DLGAP1: variants seen among roughly 807,000 people sequenced by gnomAD.
DLGAP1 encodes the protein DLG associated protein 1, also known as disks large-associated protein 1.
A neutral mutation model predicts 90.8 loss-of-function variants in DLGAP1; 11 were observed. That is an observed-to-expected ratio of 0.12 (90% CI 0.08 to 0.20). The LOEUF (loss-of-function observed/expected upper bound fraction) is 0.20. Ranked by LOEUF, DLGAP1 falls within the 10% of genes least tolerant of loss-of-function variation. The pLI, the probability that DLGAP1 is intolerant of heterozygous loss-of-function variation, is 1.00. For missense variants in DLGAP1, 1,050 were observed against 1,333.8 expected (o/e 0.79, Z 3.31); for synonymous variants, 558 against 540.7 (o/e 1.03, Z -0.44).
At chr18:3,969,683 A>G (rs1349382831) in intron 3 of DLGAP1, among the ~76,000 whole-genome samples, 1 of 152,160 alleles carries the variant, frequency 6.6e-6, no homozygotes, top group Non-Finnish European at 1.5e-5. Context: ...GCTCTTCAGT[A>G]TTTTATTTTA....
Position 3,879,638 on chromosome 18 carries a change from G to A in DLGAP1, c.431C>T (p.Ser144Leu), listed in dbSNP as rs2071096812. ...CGACTTGGTGAAGAGCTTCTGGACC[G>A]AGTGCACCAGGTGGCGGATGCGGCC... ...SPGRIRHLVHSVQKLFTKSHS... is the reference protein window; with the variant it reads ...SPGRIRHLVHLVQKLFTKSHS... The change falls in exon 4 of 13, where the codon TCG becomes TTG. Residue 144 changes from serine to leucine, a missense_variant. Ser to Leu is a moderately radical substitution (Grantham distance 145). This residue lies in a region of DLGAP1 where 485 missense variants were observed against 454.1 expected (regional missense o/e 1.07). Transcript: ENST00000315677. The surrounding 1 kb of genome is among the most constrained non-coding windows in gnomAD (Gnocchi z 6.6). 6.2e-7 allele frequency: 1 copy of A among 1,605,120 alleles called. No homozygotes were observed. The highest frequency in any genetic ancestry group is 8.5e-7 in the Non-Finnish European group (1 of 1,179,176).
intron 1 of DLGAP1, among the ~76,000 whole-genome samples, chr18:4,436,637 A>G (rs1380624407): frequency 6.6e-6 from 1 of 152,130 alleles, no homozygotes; most frequent in Admixed American, 6.5e-5. Flanking sequence ...CACTTTTTTA[A>G]AGTTCTCTAG....
intron 3 of DLGAP1, among the ~76,000 whole-genome samples, chr18:3,956,933 T>G (rs1227752201): frequency 6.6e-6 from 1 of 152,326 alleles, no homozygotes; most frequent in East Asian, 1.9e-4. Flanking sequence ...ATTACAGGCA[T>G]GAGCCACCAC....
intron 3 of DLGAP1, among the ~76,000 whole-genome samples, chr18:3,974,541 T>C (rs1055964628): frequency 1.3e-5 from 2 of 152,200 alleles, no homozygotes; most frequent in Non-Finnish European, 2.9e-5. Context: ...TCCATGAATA[T>C]ATCATGGGTT....
chr18:4,020,229 T>C (rs2074587700), intron 2 of DLGAP1, among the ~76,000 whole-genome samples: 2 of 152,198 alleles, frequency 1.3e-5, no homozygotes, highest in African/African-American at 4.8e-5. Flanking sequence ...ACCCCCGACT[T>C]CCTGTCATGG....
chr18:3,814,831 A>AATGTAT lies in DLGAP1; in HGVS notation c.958-559_958-558insATACAT, dbSNP rs1254695349. Among the ~76,000 whole-genome samples, 5 of 152,358 alleles carry AATGTAT rather than the reference A, an allele frequency of 3.3e-5. 1 individual carries two copies. The highest frequency in any genetic ancestry group is 3.3e-4 in the Admixed American group (5 of 15,306). ...GTCTTAGTTATTTAAAAATGTATAA[A>AATGTAT]TAAGACCAAGTATTTTCTTTTTTTG... On this transcript the variant is annotated intron_variant, in intron 4 of 12. Coordinates refer to ENST00000315677, the MANE Select transcript of DLGAP1 (RefSeq NM_004746.4).
intron 2 of DLGAP1, among the ~76,000 whole-genome samples, chr18:4,046,094 T>A (rs144886719): frequency 2.6e-5 from 4 of 152,218 alleles, no homozygotes; most frequent in African/African-American, 2.4e-5. Context: ...TATGTCCCCA[T>A]CTGGCATTAA....
At position 3,526,072 on chromosome 18, in the gene DLGAP1, A is replaced by T. The variant is rs557739365; in HGVS notation, c.2479+8122T>A. ...CACTTCCTCTGCGGTCACTAATTTC[A>T]GGTTGTCTGGAGCTTACAAAAAGAG... On this transcript the variant is annotated intron_variant, in intron 10 of 12. Coordinates refer to ENST00000315677, the MANE Select transcript of DLGAP1 (RefSeq NM_004746.4). The surrounding 1 kb of genome is among the most constrained non-coding windows in gnomAD (Gnocchi z 4.7). Among the ~76,000 whole-genome samples, 7 of 152,238 alleles carry T rather than the reference A, an allele frequency of 4.6e-5. No individual in the cohort carries two copies. In the South Asian group the frequency reaches 1.5e-3, roughly 32 times the overall value.
chr18:3,621,903 C>T (rs2058107222), intron 7 of DLGAP1, among the ~76,000 whole-genome samples: 1 of 152,062 alleles, frequency 6.6e-6, no homozygotes, highest in African/African-American at 2.4e-5. Context: ...GAGGTTGAGG[C>T]TGCAGTGAGC....
At chr18:4,399,959 C>T (rs1318618120) in intron 1 of DLGAP1, among the ~76,000 whole-genome samples, 5 of 152,032 alleles carry the variant, frequency 3.3e-5, no homozygotes, top group African/African-American at 1.2e-4. Context: ...TTCAGAAGGG[C>T]CCTGAGAGCA....
intron 7 of DLGAP1, among the ~76,000 whole-genome samples, chr18:3,621,457 T>G (rs73381283): frequency 0.054 from 8,282 of 152,254 alleles, 730 homozygotes; most frequent in African/African-American, 0.19. Flanking sequence ...GGTTTCTCTG[T>G]ACATAGTGAA....
Position 4,024,465 on chromosome 18 carries a change from G to A in DLGAP1, c.-158-19264C>T, listed in dbSNP as rs985398315. Among the ~76,000 whole-genome samples, 6 of 152,090 alleles carry A rather than the reference G, an allele frequency of 3.9e-5. No individual in the cohort carries two copies. In the East Asian group the frequency reaches 5.8e-4, roughly 15 times the overall value. On this transcript the variant is annotated intron_variant, in intron 2 of 12. Coordinates refer to ENST00000315677, the MANE Select transcript of DLGAP1 (RefSeq NM_004746.4). ...AATGGTGATACTAATGCTTTTTCACGGAAACTGGCTTCCGAGTTCAACAAG... is the reference window on the plus strand; with the variant it reads ...AATGGTGATACTAATGCTTTTTCACAGAAACTGGCTTCCGAGTTCAACAAG...
At chr18:3,905,366 C>CAAAAAAAAAAAAA (rs71160924) in intron 3 of DLGAP1, among the ~76,000 whole-genome samples, 6 of 19,820 alleles carry the variant, frequency 3.0e-4, no homozygotes, top group Non-Finnish European at 3.6e-4. Context: ...GACTCCATCT[C>CAAAAAAAAAAAAA]AAAAAAAAAA....
intron 2 of DLGAP1, among the ~76,000 whole-genome samples, chr18:4,123,715 C>T (rs537585371): frequency 9.9e-5 from 15 of 152,234 alleles, no homozygotes; most frequent in Admixed American, 2.6e-4. Flanking sequence ...ATACAAAAAG[C>T]GGAGGGCCCT....
chr18:3,690,255 T>G (rs1239403549), intron 7 of DLGAP1, among the ~76,000 whole-genome samples: 1 of 151,836 alleles, frequency 6.6e-6, no homozygotes, highest in African/African-American at 2.4e-5. Context: ...CCCGGCTAAT[T>G]TTTGTATTTT....
At chr18:3,768,361 A>T (rs1366948633) in intron 5 of DLGAP1, among the ~76,000 whole-genome samples, 4 of 152,174 alleles carry the variant, frequency 2.6e-5, no homozygotes, top group Non-Finnish European at 5.9e-5. Flanking sequence ...AAAATAGGAG[A>T]AATGTCAATT....
At chr18:3,881,867 C>T (rs917425635) in intron 3 of DLGAP1, among the ~76,000 whole-genome samples, 4 of 152,140 alleles carry the variant, frequency 2.6e-5, no homozygotes, top group African/African-American at 9.7e-5. Context: ...GAGCCGAGAT[C>T]GTGCCACTGC....
intron 9 of DLGAP1, among the ~76,000 whole-genome samples, chr18:3,535,231 G>T (rs971479820): frequency 1.3e-5 from 2 of 152,058 alleles, no homozygotes; most frequent in Non-Finnish European, 2.9e-5. Flanking sequence ...CATATCAAGA[G>T]AAATTTTATA....
rs1567874128 is a variant in DLGAP1, at chr18:4,379,279, T to C, written c.-267+75727A>G. ...AAGAGTAGAGGAGATGGGACAGGAA[T>C]AGCTGCTTTGTTCCCCAGGCTTTTT... is the stretch of plus-strand genomic sequence containing the variant. On this transcript the variant is annotated intron_variant, in intron 1 of 12. Transcript: ENST00000315677. Among the ~76,000 whole-genome samples, 5 of 152,174 alleles carry C rather than the reference T, an allele frequency of 3.3e-5. No homozygotes were observed. The South Asian group carries it at 1.0e-3, about 31-fold the overall frequency.
Sources: gnomAD v4.1 joint callset for allele counts (sites outside exome capture counted in the v4.1 genomes callset) on GRCh38, gnomAD v4.1.1 for gene constraint, gnomAD v4.1.1 regional missense constraint, Gnocchi (gnomAD v3.1) non-coding constraint, MANE v1.5 for transcripts, NCBI Gene and HGNC (gene_info 2026-07-23, HGNC 2026-07-21) for gene names.